Variants in HDAC9 observed in about 807,000 individuals in gnomAD.
HDAC9 encodes MEF-2 interacting transcription repressor (MITR) protein.
HDAC9 carries 41 observed loss-of-function variants against 139.4 expected under a neutral mutation model. The observed-to-expected ratio is 0.29, with a 90% CI of 0.23 to 0.38. HDAC9 has a LOEUF of 0.38. HDAC9 is among the 10% of genes least tolerant of loss of function. The pLI is 1.00. For missense variants in HDAC9, 1,147 were observed against 1,297.0 expected (o/e 0.88, Z 1.78); for synonymous variants, 517 against 476.2 (o/e 1.09, Z -1.12).
chr7:18,434,915 T>G (rs2114727), intron 1 of HDAC9, among the ~76,000 whole-genome samples: 150,659 of 152,172 alleles, frequency 0.99, 74,597 homozygotes, highest in East Asian at 1. Context: ...AATATAAATA[T>G]TTCCACCATA....
chr7:18,992,564 T>G (rs979370850), intron 25 of HDAC9, among the ~76,000 whole-genome samples: 1 of 152,164 alleles, frequency 6.6e-6, no homozygotes, highest in Non-Finnish European at 1.5e-5. Context: ...ATTAAATCAG[T>G]AAAATGAGAA....
intron 22 of HDAC9, among the ~76,000 whole-genome samples, chr7:18,921,054 C>T (rs1024847747): frequency 2.0e-5 from 3 of 152,036 alleles, no homozygotes; most frequent in African/African-American, 7.3e-5. Flanking sequence ...AACTGGATCC[C>T]TTCCTTACAC....
intron 6 of HDAC9, among the ~76,000 whole-genome samples, chr7:18,598,929 C>G (rs576075057): frequency 2.0e-5 from 3 of 152,300 alleles, no homozygotes; most frequent in African/African-American, 7.2e-5. Flanking sequence ...ATAGTCCTAG[C>G]GACTCAGGAG....
chr7:18,760,476 C>G (rs932162700), intron 14 of HDAC9, among the ~76,000 whole-genome samples: 9 of 152,066 alleles, frequency 5.9e-5, no homozygotes, highest in Non-Finnish European at 7.4e-5. Flanking sequence ...GACCAGAAGG[C>G]CATCATTAAA....
At chr7:18,646,757 A>G (rs1418083659) in intron 9 of HDAC9, among the ~76,000 whole-genome samples, 2 of 152,164 alleles carry the variant, frequency 1.3e-5, no homozygotes, top group African/African-American at 4.8e-5. Context: ...TGTAATAGCA[A>G]AATGACCACC....
chr7:18,196,711 T>A (rs1208076685), intron 2 of HDAC9, among the ~76,000 whole-genome samples: 2 of 152,118 alleles, frequency 1.3e-5, no homozygotes. Context: ...TGAAAATAAA[T>A]GTGTCCACAG....
intron 25 of HDAC9, among the ~76,000 whole-genome samples, chr7:18,994,778 AC>A (rs1218310616): frequency 6.6e-6 from 1 of 152,214 alleles, no homozygotes; most frequent in Non-Finnish European, 1.5e-5. Flanking sequence ...CTGTAAAATA[AC>A]ATGGCCAAAC....
At chr7:18,579,003 A>C (rs1272350364) in intron 2 of HDAC9, among the ~76,000 whole-genome samples, 1 of 152,220 alleles carries the variant, frequency 6.6e-6, no homozygotes, top group African/African-American at 2.4e-5. Context: ...AAAAGTACAG[A>C]AACAATAGGA....
chr7:18,110,751 G>A (rs79640027), intron 1 of HDAC9, among the ~76,000 whole-genome samples: 24,069 of 152,148 alleles, frequency 0.16, 2,282 homozygotes, highest in South Asian at 0.3. Context: ...GAGGAAAGAC[G>A]GGGGCCAGGA....
At chr7:18,465,266 G>C (rs2128113991) in intron 1 of HDAC9, among the ~76,000 whole-genome samples, 1 of 151,962 alleles carries the variant, frequency 6.6e-6, no homozygotes, top group East Asian at 1.9e-4. Flanking sequence ...TATTTCTAAA[G>C]ATTCCCATTA....
intron 1 of HDAC9, among the ~76,000 whole-genome samples, chr7:18,465,869 T>C (rs909253112): frequency 6.6e-6 from 1 of 152,206 alleles, no homozygotes; most frequent in Non-Finnish European, 1.5e-5. Flanking sequence ...TGGAGATATA[T>C]CTATTTAGAT....
intron 22 of HDAC9, among the ~76,000 whole-genome samples, chr7:18,925,906 CTCT>C (rs1175300284): frequency 6.6e-6 from 1 of 151,756 alleles, no homozygotes; most frequent in Non-Finnish European, 1.5e-5. Flanking sequence ...GTTTTACTTG[CTCT>C]TCTTTACTTT....
chr7:18,629,560 G>A, intron 7 of HDAC9, 79 bp downstream of exon 7: 2 of 1,311,010 alleles, frequency 1.5e-6, no homozygotes, highest in Non-Finnish European at 1.0e-6. Flanking sequence ...TATACCTGCT[G>A]CATATTAAAA....
At chr7:18,924,362 A>G (rs976112464) in intron 22 of HDAC9, among the ~76,000 whole-genome samples, 5 of 152,110 alleles carry the variant, frequency 3.3e-5, no homozygotes, top group African/African-American at 1.2e-4. Context: ...TTAACATACA[A>G]TTGCTGTCTA....
At chr7:18,505,729 T>C (rs1174383042) in intron 2 of HDAC9, 1 of 152,240 alleles carries the variant, frequency 6.6e-6, no homozygotes, top group Non-Finnish European at 1.5e-5. Context: ...TATGATCTTA[T>C]TTGCTATGAG....
At chr7:18,931,656 T>C (rs986500575) in intron 22 of HDAC9, among the ~76,000 whole-genome samples, 1 of 152,124 alleles carries the variant, frequency 6.6e-6, no homozygotes, top group Admixed American at 6.6e-5. Flanking sequence ...TTTAATGCAT[T>C]ACCGGGATTA....
chr7:18,507,335 C>T (rs959206237), intron 2 of HDAC9, among the ~76,000 whole-genome samples: 2 of 151,154 alleles, frequency 1.3e-5, no homozygotes, highest in African/African-American at 2.4e-5. Context: ...GAACTACAGG[C>T]GCCCGCCACC....
At chr7:18,552,573 A>G (rs1817502135) in intron 2 of HDAC9, among the ~76,000 whole-genome samples, 1 of 152,182 alleles carries the variant, frequency 6.6e-6, no homozygotes, top group South Asian at 2.1e-4. Flanking sequence ...AGGAAAAATA[A>G]TGACCCGGTT....
intron 12 of HDAC9, among the ~76,000 whole-genome samples, chr7:18,693,572 C>G (rs1310223892): frequency 1.3e-5 from 2 of 152,088 alleles, no homozygotes; most frequent in East Asian, 3.9e-4. Context: ...TGCAGCAGCA[C>G]AAATTGAGCA....
Sources: allele counts gnomAD v4.1 joint callset (sites outside exome capture counted in the v4.1 genomes callset), GRCh38; gene constraint gnomAD v4.1.1; transcripts MANE v1.5; gene names NCBI Gene and HGNC (gene_info 2026-07-23, HGNC 2026-07-21).